Variants in PTPRD observed in about 807,000 individuals in gnomAD.
PTPRD encodes receptor-type tyrosine-protein phosphatase delta.
In PTPRD, 34 loss-of-function variants were observed where a neutral mutation model predicts 214.5. The observed-to-expected ratio is 0.16, with a 90% CI of 0.12 to 0.21. PTPRD has a LOEUF of 0.21. Ranked by LOEUF, PTPRD falls within the 10% of genes least tolerant of loss-of-function variation. The pLI is 1.00. For missense variants in PTPRD, 2,545 were observed against 2,398.7 expected, an observed-to-expected ratio of 1.06 and a Z score of -1.27; for synonymous variants, 1,128 against 845.7, an observed-to-expected ratio of 1.33 and a Z score of -5.79.
chr9:10,494,262 A>G (rs938818449), intron 2 of PTPRD, among the ~76,000 whole-genome samples: 1 of 151,878 alleles, frequency 6.6e-6, no homozygotes, highest in Admixed American at 6.6e-5. Context: ...TCTAATCAAA[A>G]CACTTATCAT....
intron 5 of PTPRD, among the ~76,000 whole-genome samples, chr9:9,789,796 C>CAAAAAAAAAAAAAAAA (rs774579667): frequency 2.4e-5 from 1 of 40,832 alleles, no homozygotes; most frequent in Non-Finnish European, 4.7e-5. Flanking sequence ...AACTCTGTCT[C>CAAAAAAAAAAAAAAAA]AAAAAAAAAA....
At chr9:9,749,944 G>A (rs3118011) in intron 6 of PTPRD, among the ~76,000 whole-genome samples, 87,708 of 152,040 alleles carry the variant, frequency 0.58, 27,917 homozygotes, top group African/African-American at 0.86. Flanking sequence ...TAAAATAATA[G>A]AAGATGCTCA....
chr9:8,940,280 C>CTCTCCTTTGTT (rs2099023955), intron 11 of PTPRD, among the ~76,000 whole-genome samples: 1 of 89,048 alleles, frequency 1.1e-5, no homozygotes, highest in African/African-American at 4.4e-5. Flanking sequence ...TCTCTCTCTC[C>CTCTCCTTTGTT]TTTTTTTTTT....
chr9:9,531,238 A>T (rs2075390204), intron 8 of PTPRD, among the ~76,000 whole-genome samples: 2 of 152,160 alleles, frequency 1.3e-5, no homozygotes, highest in Non-Finnish European at 1.5e-5. Context: ...AGCACTAAAA[A>T]GGACTGCCTT....
intron 14 of PTPRD, among the ~76,000 whole-genome samples, chr9:8,575,124 T>C (rs1856059757): frequency 1.3e-5 from 2 of 152,148 alleles, no homozygotes; most frequent in South Asian, 2.1e-4. Flanking sequence ...TGCAAACAAG[T>C]ACAAGACTTC....
chr9:9,629,217 G>A, intron 7 of PTPRD, among the ~76,000 whole-genome samples: 1 of 121,742 alleles, frequency 8.2e-6, no homozygotes, highest in Admixed American at 8.0e-5. Context: ...AAATTCTGGG[G>A]AGATATATAT....
chr9:9,041,327 T>G (rs1039243372), intron 10 of PTPRD, among the ~76,000 whole-genome samples: 3 of 152,132 alleles, frequency 2.0e-5, no homozygotes, highest in Non-Finnish European at 2.9e-5. Flanking sequence ...TTAAGCCTAG[T>G]ACCCATTAGT....
chr9:9,291,493 T>C (rs1334889431), intron 9 of PTPRD, among the ~76,000 whole-genome samples: 1 of 151,474 alleles, frequency 6.6e-6, no homozygotes, highest in Non-Finnish European at 1.5e-5. Flanking sequence ...GAGATTTTGA[T>C]TAGATTTTAA....
At chr9:9,437,571 G>A (rs1025374737) in intron 8 of PTPRD, among the ~76,000 whole-genome samples, 3 of 152,074 alleles carry the variant, frequency 2.0e-5, no homozygotes, top group Non-Finnish European at 4.4e-5. Context: ...CTGCTTGAGG[G>A]TTCTTCCATC....
chr9:10,370,586 A>G (rs902914167), intron 2 of PTPRD, among the ~76,000 whole-genome samples: 15 of 152,132 alleles, frequency 9.9e-5, no homozygotes, highest in Admixed American at 8.5e-4. Flanking sequence ...TTAAATGAAA[A>G]TACATTTTGA....
chr9:9,985,592 T>A (rs1163705121), intron 4 of PTPRD, among the ~76,000 whole-genome samples: 1 of 152,102 alleles, frequency 6.6e-6, no homozygotes, highest in African/African-American at 2.4e-5. Context: ...TCCAAACAAC[T>A]GATTTATAAT....
intron 11 of PTPRD, among the ~76,000 whole-genome samples, chr9:9,007,352 C>A (rs2099479915): frequency 6.6e-6 from 1 of 150,654 alleles, no homozygotes; most frequent in Admixed American, 6.7e-5. Flanking sequence ...ACAAGAGGAA[C>A]AAGGAGGGTG....
intron 9 of PTPRD, among the ~76,000 whole-genome samples, chr9:9,256,864 ACT>A (rs2099977939): frequency 6.6e-6 from 1 of 151,780 alleles, no homozygotes; most frequent in Non-Finnish European, 1.5e-5. Context: ...ATTTGCCTAA[ACT>A]CTGTTGACAT....
intron 11 of PTPRD, among the ~76,000 whole-genome samples, chr9:8,833,731 C>T (rs1219198792): frequency 1.3e-5 from 2 of 150,806 alleles, no homozygotes; most frequent in Non-Finnish European, 3.0e-5. Flanking sequence ...CACACACACA[C>T]ACACACACAC....
At chr9:8,989,643 A>T (rs2099358762) in intron 11 of PTPRD, among the ~76,000 whole-genome samples, 1 of 152,136 alleles carries the variant, frequency 6.6e-6, no homozygotes, top group Non-Finnish European at 1.5e-5. Context: ...CATCTGTAAA[A>T]TTATGTGACT....
At chr9:9,414,926 T>C (rs1484413365) in intron 8 of PTPRD, 4 of 152,208 alleles carry the variant, frequency 2.6e-5, no homozygotes, top group Non-Finnish European at 4.4e-5. Flanking sequence ...ATATGACGTA[T>C]GTGATCACAC....
chr9:8,869,432 A>G (rs748902955), intron 11 of PTPRD, among the ~76,000 whole-genome samples: 9 of 152,124 alleles, frequency 5.9e-5, no homozygotes, highest in Non-Finnish European at 8.8e-5. Context: ...ACCTTAAGAG[A>G]TATCTTTTAA....
chr9:10,213,818 C>T (rs2099528250), intron 3 of PTPRD, among the ~76,000 whole-genome samples: 1 of 151,962 alleles, frequency 6.6e-6, no homozygotes. Context: ...ATAAGACTTC[C>T]TATATTATCA....
intron 34 of PTPRD, 84 bp from the exon 35 acceptor site, chr9:8,436,773 T>G: frequency 9.2e-7 from 1 of 1,081,652 alleles, no homozygotes. Context: ...AATACTATAG[T>G]TAGAAATGGC....
Sources: gnomAD v4.1 joint callset for allele counts (sites outside exome capture counted in the v4.1 genomes callset) on GRCh38, gnomAD v4.1.1 for gene constraint, MANE v1.5 for transcripts, NCBI Gene and HGNC (gene_info 2026-07-23, HGNC 2026-07-21) for gene names.